The following THOC5 variants were observed in gnomAD, a reference collection of about 807,000 sequenced individuals.
THOC5 encodes the protein THO complex subunit 5.
THOC5 carries 43 observed loss-of-function variants against 92.9 expected under a neutral mutation model. The observed-to-expected ratio is 0.46, with a 90% confidence interval of 0.36 to 0.60. The LOEUF is 0.60. Ranked by LOEUF, THOC5 falls within the 20% of genes least tolerant of loss-of-function variation. The pLI is 0.00. For synonymous variants in THOC5, 296 were observed against 320.1 expected, an observed-to-expected ratio of 0.92 and a Z score of 0.80; for missense variants, 659 against 849.4, an observed-to-expected ratio of 0.78 and a Z score of 2.79.
intron 1 of THOC5, among the ~76,000 whole-genome samples, chr22:29,551,615 C>T (rs994069982): frequency 1.1e-4 from 17 of 151,970 alleles, no homozygotes; most frequent in African/African-American, 3.4e-4. Context: ...CCTAGTATGG[C>T]GGTGCACACC....
intron 8 of THOC5, among the ~76,000 whole-genome samples, 154 bp from the exon 9 acceptor site, chr22:29,529,393 G>A (rs1485232600): frequency 6.6e-6 from 1 of 152,216 alleles, no homozygotes; most frequent in Admixed American, 6.5e-5. Flanking sequence ...CAGATGAAGG[G>A]AAACAAGGTG....
intron 6 of THOC5, 81 bp from the exon 7 acceptor site, chr22:29,536,819 T>C (rs1366809188): frequency 1.3e-6 from 1 of 796,262 alleles, no homozygotes; most frequent in Non-Finnish European, 2.2e-6. Context: ...AGACTCCACC[T>C]AATAGTAGCA....
chr22:29,552,559 C>T (rs952085916), intron 1 of THOC5, among the ~76,000 whole-genome samples: 95 of 150,824 alleles, frequency 6.3e-4, no homozygotes, highest in African/African-American at 2.2e-3. Flanking sequence ...GCCAGCCGCC[C>T]CGTCCGGGGG....
chr22:29,521,082 T>C lies in THOC5; in HGVS notation c.1193A>G (p.Asp398Gly), dbSNP rs779299711. The change falls in exon 13 of 20, where the codon GAC (aspartate) becomes GGC (glycine). Residue 398 changes from aspartate (D) to glycine (G), a missense_variant. By Grantham distance (94) the Asp-to-Gly change is moderately conservative (BLOSUM62 -1). Transcript: ENST00000490103. ...PISAGDLLSP[D>G]SVLSCLYPGD... Reference sequence around the variant, plus strand: ...AGGATACAAGCAACTCAGGACTGAGTCAGGAGACAGCAAGTCACTAGAAAA... The same window carrying C: ...AGGATACAAGCAACTCAGGACTGAGCCAGGAGACAGCAAGTCACTAGAAAA... The C allele has an allele frequency of 4.3e-6, 7 of 1,613,698 alleles. No individual in the cohort carries two copies. The East Asian group carries it at 1.1e-4, about 26-fold the overall frequency.
intron 1 of THOC5, 80 bp from the exon 2 acceptor site, chr22:29,549,238 A>C (rs1017780114): frequency 1.7e-5 from 22 of 1,271,640 alleles, no homozygotes; most frequent in Non-Finnish European, 2.4e-5. Context: ...CCACTTACAG[A>C]CTTGGTAACT....
intron 5 of THOC5, among the ~76,000 whole-genome samples, chr22:29,542,606 A>C (rs1012930725): frequency 1.3e-5 from 2 of 152,130 alleles, no homozygotes; most frequent in African/African-American, 2.4e-5. Context: ...TCTACTAAAA[A>C]TACAAAAATT....
At chr22:29,533,081 T>C (rs1654965067) in intron 7 of THOC5, among the ~76,000 whole-genome samples, 1 of 152,234 alleles carries the variant, frequency 6.6e-6, no homozygotes, top group South Asian at 2.1e-4. Flanking sequence ...TGAATGTCAA[T>C]GGCCTGGAAG....
intron 2 of THOC5, 80 bp downstream of exon 2, chr22:29,548,972 G>C (rs527962323): frequency 2.4e-5 from 34 of 1,415,646 alleles, no homozygotes; most frequent in Non-Finnish European, 3.2e-5. Flanking sequence ...ATGCGACCCC[G>C]AGCTGCTGCA....
intron 4 of THOC5, 106 bp downstream of exon 4, chr22:29,543,323 G>A (rs2063938043): frequency 5.3e-6 from 4 of 758,334 alleles, no homozygotes; most frequent in Non-Finnish European, 8.4e-6. Flanking sequence ...ACTCTAGCCT[G>A]GGGGACAGAA....
chr22:29,524,412 G>C (rs1456773601), intron 12 of THOC5, among the ~76,000 whole-genome samples: 3 of 152,140 alleles, frequency 2.0e-5, no homozygotes, highest in African/African-American at 7.2e-5. Flanking sequence ...CAACCACACA[G>C]CGAGGAAACA....
At chr22:29,526,028 G>A (rs969776909) in intron 11 of THOC5, 82 bp from the exon 12 acceptor site, 4 of 547,462 alleles carry the variant, frequency 7.3e-6, no homozygotes, top group Non-Finnish European at 1.3e-5. Flanking sequence ...TAGTAAGGTG[G>A]GGGGGTCAAG....
chr22:29,528,982 C>T (rs1459369534), intron 9 of THOC5, 180 bp downstream of exon 9: 9 of 609,734 alleles, frequency 1.5e-5, no homozygotes, highest in South Asian at 6.5e-5. Context: ...CTGAAATCCA[C>T]GGGCCGCACC....
At chr22:29,517,524 G>C (rs114389228) in intron 15 of THOC5, among the ~76,000 whole-genome samples, 158 bp from the exon 16 acceptor site, 1,582 of 152,316 alleles carry the variant, frequency 0.01, 25 homozygotes, top group African/African-American at 0.037. Flanking sequence ...CACGTGCCAG[G>C]AATGCAAGCA....
intron 7 of THOC5, among the ~76,000 whole-genome samples, chr22:29,533,070 G>A (rs1349764691): frequency 6.6e-6 from 1 of 152,228 alleles, no homozygotes; most frequent in Non-Finnish European, 1.5e-5. Flanking sequence ...GTGGATACAT[G>A]TGAATGTCAA....
chr22:29,511,682 A>G (rs183066611), intron 18 of THOC5, among the ~76,000 whole-genome samples: 176 of 152,380 alleles, frequency 1.2e-3, no homozygotes, highest in African/African-American at 4.1e-3. Flanking sequence ...CTGATTAACA[A>G]CTGCAGTGAT....
rs55924406 is a variant in THOC5, at chr22:29,541,893, A to AATATATATATAT, written c.452+954_452+965dup. On this transcript the variant is annotated intron_variant, in intron 5 of 19. Coordinates refer to ENST00000490103, the MANE Select transcript of THOC5 (RefSeq NM_003678.5). Reference sequence around the variant, plus strand: ...AAAAAAAAAAAAAAAAAAAAAAAAAAATATATATATATATATATATATATA... The same window carrying AATATATATATAT: ...AAAAAAAAAAAAAAAAAAAAAAAAAAATATATATATATATATATATATATATATATATATATA... 9.7e-4 allele frequency among the ~76,000 whole-genome samples: 72 copies of AATATATATATAT among 74,094 alleles called. 1 individual carries two copies. The highest frequency in any genetic ancestry group is 4.6e-3 in the African/African-American group (66 of 14,362). The allele number at this position is 74,094 out of a possible 152,430, so 48.6% of individuals were successfully genotyped here.
intron 9 of THOC5, 70 bp from the exon 10 acceptor site, chr22:29,528,536 C>T (rs2063589672): frequency 3.9e-6 from 6 of 1,555,080 alleles, no homozygotes; most frequent in Non-Finnish European, 5.3e-6. Context: ...CTCCAACCCA[C>T]ATGGCATAAA....
intron 15 of THOC5, 29 bp from the exon 16 acceptor site, chr22:29,517,395 C>T: frequency 1.2e-6 from 2 of 1,602,326 alleles, no homozygotes; most frequent in Non-Finnish European, 1.7e-6. Context: ...GATGACGTCA[C>T]AGGTAGAAAT....
intron 17 of THOC5, among the ~76,000 whole-genome samples, chr22:29,514,628 T>C (rs1295530637): frequency 6.6e-6 from 1 of 151,830 alleles, no homozygotes; most frequent in Non-Finnish European, 1.5e-5. Context: ...GACTGAAGAA[T>C]TATATTTGCA....
Sources: allele counts gnomAD v4.1 joint callset (sites outside exome capture counted in the v4.1 genomes callset), GRCh38; gene constraint gnomAD v4.1.1; transcripts MANE v1.5; gene names NCBI Gene and HGNC (gene_info 2026-07-23, HGNC 2026-07-21).